Variants in IQCM observed in about 807,000 individuals in gnomAD.
IQCM encodes the protein IQ domain-containing protein M.
In IQCM, 45 loss-of-function variants were observed where a neutral mutation model predicts 57.6. The observed-to-expected ratio is 0.78, with a 90% CI of 0.62 to 1.00. IQCM has a LOEUF of 1.00. Among genes scored for constraint, IQCM ranks in the 50% least tolerant of loss-of-function variants. The probability of loss-of-function intolerance (pLI) is 0.00; values close to 1 mark genes in which losing one functional copy is unlikely to be tolerated. For missense variants in IQCM, 468 were observed against 511.6 expected (o/e 0.91, Z 0.82); for synonymous variants, 148 against 158.9 (o/e 0.93, Z 0.51).
intron 2 of IQCM, among the ~76,000 whole-genome samples, chr4:149,768,374 A>G (rs1354913977): frequency 2.6e-5 from 4 of 152,144 alleles, no homozygotes; most frequent in African/African-American, 9.6e-5. Flanking sequence ...GATCACTTAT[A>G]ATGAACCATC....
chr4:149,446,047 T>A (rs766595902), intron 12 of IQCM, among the ~76,000 whole-genome samples: 61 of 151,932 alleles, frequency 4.0e-4, no homozygotes, highest in Non-Finnish European at 7.5e-4. Context: ...TACTTTCAGA[T>A]AAATCACCAA....
intron 7 of IQCM, among the ~76,000 whole-genome samples, chr4:149,657,483 G>T (rs1759739254): frequency 6.6e-6 from 1 of 151,966 alleles, no homozygotes. Flanking sequence ...TTGGAGTACA[G>T]ATATCTCAAC....
rs1560778745 is a variant in IQCM at position 149,368,781 on chromosome 4, CATGTATATATAT to C, written c.1391-16727_1391-16716del. Among the ~76,000 whole-genome samples the C allele has an allele frequency of 2.2e-3, 219 of 101,806 alleles. 37 individuals are homozygous for C. Among genetic ancestry groups the C allele is most frequent in the South Asian group, 6.3e-3 (23 of 3,654 alleles). 66.8% of individuals were successfully genotyped at this position (101,806 alleles called of 152,430 possible). On this transcript the variant is annotated intron_variant, in intron 13 of 13. Coordinates refer to ENST00000636793, the MANE Select transcript of IQCM (RefSeq NM_001363507.2). ...GTATATATATATATACATATATATACATGTATATATATACATATATATACATGTATATATATA... is the reference window on the plus strand; with the variant it reads ...GTATATATATATATACATATATATACACATATATATACATGTATATATATA...
chr4:149,687,689 T>C (rs934601599), intron 5 of IQCM, among the ~76,000 whole-genome samples: 21 of 151,646 alleles, frequency 1.4e-4, no homozygotes, highest in African/African-American at 4.8e-4. Context: ...ACATAGATGC[T>C]AACATCCTTA....
At chr4:149,594,806 C>G (rs1249879078) in intron 8 of IQCM, among the ~76,000 whole-genome samples, 3 of 152,120 alleles carry the variant, frequency 2.0e-5, no homozygotes, top group Non-Finnish European at 2.9e-5. Flanking sequence ...TTTGATTGTA[C>G]TGTGGTCTGA....
chr4:149,639,300 G>C (rs113746321), intron 7 of IQCM, among the ~76,000 whole-genome samples: 32,223 of 151,706 alleles, frequency 0.21, 4,243 homozygotes, highest in Non-Finnish European at 0.28. Context: ...GTGGCACGCA[G>C]CTGTGGTCCC....
chr4:149,613,757 T>C (rs1252819818), intron 8 of IQCM, among the ~76,000 whole-genome samples: 1 of 152,066 alleles, frequency 6.6e-6, no homozygotes, highest in Non-Finnish European at 1.5e-5. Context: ...GTGTGATGTT[T>C]CCCTTCCCGT....
intron 8 of IQCM, among the ~76,000 whole-genome samples, chr4:149,609,978 A>G (rs1755134471): frequency 6.6e-6 from 1 of 152,000 alleles, no homozygotes; most frequent in Non-Finnish European, 1.5e-5. Flanking sequence ...ATATTTATAA[A>G]AACATAAGCA....
At chr4:149,630,394 A>G (rs1477655733) in intron 7 of IQCM, among the ~76,000 whole-genome samples, 1 of 152,232 alleles carries the variant, frequency 6.6e-6, no homozygotes, top group Non-Finnish European at 1.5e-5. Flanking sequence ...ATGGTGAACT[A>G]GATAGTACAT....
intron 8 of IQCM, among the ~76,000 whole-genome samples, chr4:149,600,345 C>T (rs1321955387): frequency 6.6e-6 from 1 of 152,128 alleles, no homozygotes; most frequent in Non-Finnish European, 1.5e-5. Flanking sequence ...CCTGAGGAAA[C>T]TGAAAAATTT....
At chr4:149,431,506 T>C (rs916652332) in intron 13 of IQCM, among the ~76,000 whole-genome samples, 2 of 152,028 alleles carry the variant, frequency 1.3e-5, no homozygotes, top group Admixed American at 1.3e-4. Flanking sequence ...ATTTTACTTA[T>C]AGTAAAGTTC....
Position 149,608,488 on chromosome 4 carries a change from T to C in IQCM, c.681+12641A>G, listed in dbSNP as rs1754991312. On this transcript the variant is annotated intron_variant, in intron 8 of 13. Coordinates refer to ENST00000636793, the MANE Select transcript of IQCM (RefSeq NM_001363507.2). Reference sequence around the variant, plus strand: ...ATTCTTCTCCTCAACACATGGAATATTCTCAAGGATAAACTATATGTTATG... The same window carrying C: ...ATTCTTCTCCTCAACACATGGAATACTCTCAAGGATAAACTATATGTTATG... Among the ~76,000 whole-genome samples, 5 of 151,864 alleles carry C rather than the reference T, an allele frequency of 3.3e-5. No homozygotes were observed. The South Asian group carries it at 1.0e-3, about 31-fold the overall frequency.
At chr4:149,686,287 A>G (rs1448792372) in intron 6 of IQCM, 91 bp downstream of exon 6, 1 of 533,030 alleles carries the variant, frequency 1.9e-6, no homozygotes, top group Non-Finnish European at 2.9e-6. Context: ...TGTTAATAGA[A>G]AAACTTGAGA....
chr4:149,442,943 CACACACACACAGAGAGAGAGAG>C (rs997602790), intron 12 of IQCM, among the ~76,000 whole-genome samples: 1 of 53,702 alleles, frequency 1.9e-5, no homozygotes, highest in Non-Finnish European at 3.4e-5. Context: ...CACACACACA[CACACACACACAGAGAGAGAGAG>C]AGAGAGAGAG....
At chr4:149,442,258 A>T (rs1015015670) in intron 12 of IQCM, among the ~76,000 whole-genome samples, 13 of 152,072 alleles carry the variant, frequency 8.5e-5, no homozygotes, top group African/African-American at 3.1e-4. Context: ...TCCCTCTAGA[A>T]TATGCTTTCC....
chr4:149,640,218 A>G (rs916688014), intron 7 of IQCM, among the ~76,000 whole-genome samples: 8 of 152,210 alleles, frequency 5.3e-5, no homozygotes, highest in Non-Finnish European at 5.9e-5. Context: ...TGGTATAGGC[A>G]TGTAACACAT....
At chr4:149,668,610 T>C (rs544005943) in intron 7 of IQCM, among the ~76,000 whole-genome samples, 200 of 152,242 alleles carry the variant, frequency 1.3e-3, no homozygotes, top group African/African-American at 4.6e-3. Context: ...TATACATATA[T>C]AACAAACCTG....
chr4:149,682,471 G>A (rs1762249454), intron 6 of IQCM, among the ~76,000 whole-genome samples: 1 of 151,064 alleles, frequency 6.6e-6, no homozygotes. Context: ...CAAAAATCAG[G>A]AAAATGAACA....
intron 12 of IQCM, among the ~76,000 whole-genome samples, chr4:149,450,598 A>G (rs1000541401): frequency 6.6e-6 from 1 of 151,886 alleles, no homozygotes; most frequent in Non-Finnish European, 1.5e-5. Flanking sequence ...GCAAACAGGC[A>G]TGTAAAAATG....
Sources: allele counts gnomAD v4.1 joint callset (sites outside exome capture counted in the v4.1 genomes callset), GRCh38; gene constraint gnomAD v4.1.1; transcripts MANE v1.5; gene names NCBI Gene and HGNC (gene_info 2026-07-23, HGNC 2026-07-21).